The following CMC1 variants were observed in gnomAD, a reference collection of about 807,000 sequenced individuals.
CMC1 encodes the protein COX assembly mitochondrial protein homolog.
A neutral mutation model predicts 14.1 loss-of-function variants in CMC1; 14 were observed. That is an observed-to-expected ratio of 0.99 (90% confidence interval 0.66 to 1.55). The LOEUF (loss-of-function observed/expected upper bound fraction) is 1.55. Ranked by LOEUF, CMC1 falls within the 40% of genes most tolerant of loss-of-function variation. The probability of loss-of-function intolerance (pLI) is 0.00; values close to 1 mark genes in which losing one functional copy is unlikely to be tolerated. For missense variants in CMC1, 127 were observed against 123.8 expected (o/e 1.03, Z -0.12); for synonymous variants, 50 against 38.4 (o/e 1.30, Z -1.12).
At chr3:28,267,854 A>G (rs1356618404) in intron 2 of CMC1, among the ~76,000 whole-genome samples, 2 of 152,218 alleles carry the variant, frequency 1.3e-5, no homozygotes, top group South Asian at 2.1e-4. Flanking sequence ...GCTGCAGACT[A>G]TATACATGGT....
chr3:28,263,063 A>C, intron 1 of CMC1: 1 of 437,914 alleles, frequency 2.3e-6, no homozygotes, highest in South Asian at 2.9e-5. Context: ...AGTTTGCAGA[A>C]ATTTTAAGAA....
At chr3:28,267,404 A>G (rs569093237) in intron 2 of CMC1, among the ~76,000 whole-genome samples, 1 of 152,282 alleles carries the variant, frequency 6.6e-6, no homozygotes, top group East Asian at 1.9e-4. Context: ...TCCTTTTGCT[A>G]TCACAGGTAA....
At chr3:28,292,520 T>C (rs1577060647) in intron 2 of CMC1, among the ~76,000 whole-genome samples, 1 of 152,292 alleles carries the variant, frequency 6.6e-6, no homozygotes, top group East Asian at 1.9e-4. Flanking sequence ...TAAGCTCTTA[T>C]ATTTAAGGTC....
At chr3:28,289,196 G>C (rs1559426953) in intron 2 of CMC1, among the ~76,000 whole-genome samples, 1 of 151,676 alleles carries the variant, frequency 6.6e-6, no homozygotes, top group Admixed American at 6.6e-5. Flanking sequence ...AAGTCTCGAT[G>C]AGTGCTCTAA....
At chr3:28,278,140 G>C (rs1042284734) in intron 2 of CMC1, among the ~76,000 whole-genome samples, 1 of 105,022 alleles carries the variant, frequency 9.5e-6, no homozygotes, top group African/African-American at 3.6e-5. Flanking sequence ...AATGGAAGTG[G>C]TGAGAATGAG....
intron 1 of CMC1, among the ~76,000 whole-genome samples, chr3:28,250,693 G>A (rs1378524072): frequency 6.6e-6 from 1 of 152,192 alleles, no homozygotes; most frequent in Admixed American, 6.5e-5. Flanking sequence ...GAATTGAGCT[G>A]CTGGTGGGAC....
intron 2 of CMC1, among the ~76,000 whole-genome samples, chr3:28,302,770 C>T (rs1020164349): frequency 6.6e-6 from 1 of 152,076 alleles, no homozygotes; most frequent in African/African-American, 2.4e-5. Context: ...CAGTGTCTAC[C>T]TTATTCTTTC....
intron 2 of CMC1, among the ~76,000 whole-genome samples, chr3:28,279,836 A>T (rs1163702451): frequency 6.6e-6 from 1 of 152,230 alleles, no homozygotes; most frequent in East Asian, 1.9e-4. Context: ...ATGGAATGGC[A>T]TACTTGCCAG....
intron 1 of CMC1, among the ~76,000 whole-genome samples, chr3:28,257,927 T>C (rs959381252): frequency 2.6e-5 from 4 of 152,104 alleles, no homozygotes; most frequent in African/African-American, 9.7e-5. Flanking sequence ...CAGCAAGATA[T>C]GAAAGTTGCA....
chr3:28,278,406 A>G (rs1213039562), intron 2 of CMC1, among the ~76,000 whole-genome samples: 1 of 152,208 alleles, frequency 6.6e-6, no homozygotes, highest in Non-Finnish European at 1.5e-5. Context: ...AATCTCTCTT[A>G]TAAAGGGAAA....
rs1481292908 is a variant in CMC1 at position 28,258,305 on chromosome 3, T to C, written c.20-4986T>C. Among the ~76,000 whole-genome samples, 5 of 151,666 alleles carry C rather than the reference T, an allele frequency of 3.3e-5. No homozygotes were observed. In the East Asian group the frequency reaches 7.7e-4, roughly 23 times the overall value. ...TGATAAACAAATGATTTCATATTAG[T>C]GAAGTCAAATTTATAATTTGTATAA... On this transcript the variant is annotated intron_variant, in intron 1 of 3. Transcript: ENST00000466830.
intron 2 of CMC1, among the ~76,000 whole-genome samples, chr3:28,303,148 G>T (rs536628595): frequency 6.6e-6 from 1 of 152,130 alleles, no homozygotes; most frequent in African/African-American, 2.4e-5. Context: ...AAAGTACCTA[G>T]TATAGTAGTG....
At chr3:28,253,396 G>C (rs1699232450) in intron 1 of CMC1, among the ~76,000 whole-genome samples, 1 of 152,074 alleles carries the variant, frequency 6.6e-6, no homozygotes, top group Non-Finnish European at 1.5e-5. Context: ...GGGAAACATA[G>C]TGAGATCCCA....
intron 2 of CMC1, among the ~76,000 whole-genome samples, chr3:28,308,969 G>A (rs1184054105): frequency 1.1e-4 from 14 of 127,442 alleles, no homozygotes; most frequent in East Asian, 6.9e-4. Flanking sequence ...GCGACGGAGC[G>A]AGACTCCGTC....
intron 3 of CMC1, chr3:28,317,793 A>G (rs1477073479): frequency 2.0e-5 from 3 of 152,058 alleles, no homozygotes. Context: ...TACTGCATGT[A>G]AACACATTTA....
chr3:28,319,067 C>T (rs951994351), intron 3 of CMC1: 3 of 340,946 alleles, frequency 8.8e-6, no homozygotes, highest in African/African-American at 2.2e-5. Context: ...TTAATTTTTC[C>T]TCATCCATGT....
rs1703196114 is a variant in CMC1 at position 28,321,789 on chromosome 3, A to G, written c.*2160A>G. On this transcript the variant is annotated 3_prime_UTR_variant, in exon 4 of 4. Transcript: ENST00000466830. ...AGAATTCAGTTCCATTTTGGCAGCA[A>G]CTCAGTAAGTCTTACAGATGTAAAT... 6.6e-6 allele frequency: 1 copy of G among 151,360 alleles called. No homozygotes were observed. Among genetic ancestry groups the G allele is most frequent in the African/African-American group, 2.4e-5 (1 of 41,354 alleles). 9.4% of individuals were successfully genotyped at this position (151,360 alleles called of 1,614,324 possible). A position where few individuals can be genotyped will look rare whatever the true frequency, so the allele number is the denominator to read the frequency against.
At position 28,241,668 on chromosome 3, in the gene CMC1, C is replaced by T; in HGVS notation, c.-126C>T. 1.6e-6 allele frequency: 2 copies of T among 1,234,732 alleles called. No homozygotes were observed. Among genetic ancestry groups the T allele is most frequent in the Non-Finnish European group, 2.0e-6 (2 of 987,868 alleles). The allele number at this position is 1,234,732 out of a possible 1,614,324, so 76.5% of individuals were successfully genotyped here. A position where few individuals can be genotyped will look rare whatever the true frequency, so the allele number is the denominator to read the frequency against. ...GTCCTGGCGGTGCTTTGCAAAGGGC[C>T]CGTGTTTCTGTTGCGGGAAGCTCCC... On this transcript the variant is annotated 5_prime_UTR_variant, in exon 1 of 4. Coordinates refer to ENST00000466830, the MANE Select transcript of CMC1 (RefSeq NM_182523.2).
rs1037762857 is a variant in CMC1, at chr3:28,254,208, A to G, written c.20-9083A>G. On this transcript the variant is annotated intron_variant, in intron 1 of 3. Coordinates refer to ENST00000466830, the MANE Select transcript of CMC1 (RefSeq NM_182523.2). The stretch of plus-strand genomic sequence containing the variant: ...TAATTTTTAGTTTTGCAACCTCTGT[A>G]CAAATGTATAACATATATACACCAG... Among the ~76,000 whole-genome samples, 4 of 152,242 alleles carry G rather than the reference A, an allele frequency of 2.6e-5. No individual in the cohort carries two copies. In the East Asian group the frequency reaches 7.7e-4, roughly 29 times the overall value.
Sources: allele counts gnomAD v4.1 joint callset (sites outside exome capture counted in the v4.1 genomes callset), GRCh38; gene constraint gnomAD v4.1.1; transcripts MANE v1.5; gene names NCBI Gene and HGNC (gene_info 2026-07-23, HGNC 2026-07-21).